Variants in ST6GALNAC4 observed in about 807,000 individuals in gnomAD.
The protein encoded by ST6GALNAC4 is alpha-N-acetyl-neuraminyl-2,3-beta-galactosyl-1,3-N-acetyl-galactosaminide alpha-2,6-sialyltransferase.
Under a neutral mutation model 30.4 loss-of-function variants are expected in ST6GALNAC4, and 24 were observed. That is an observed-to-expected ratio of 0.79 (90% CI 0.57 to 1.11). ST6GALNAC4 has a LOEUF of 1.11. Ranked by LOEUF, ST6GALNAC4 falls within the 50% of genes most tolerant of loss-of-function variation. The pLI is 0.00. For synonymous variants in ST6GALNAC4, 156 were observed against 179.7 expected (o/e 0.87, Z 1.05); for missense variants, 365 against 430.1 (o/e 0.85, Z 1.34).
At chr9:127,914,926 C>G in intron 2 of ST6GALNAC4, 85 bp from the exon 3 acceptor site, 1 of 1,263,850 alleles carries the variant, frequency 7.9e-7, no homozygotes, top group African/African-American at 1.6e-5. Flanking sequence ...CCTCCTGGGT[C>G]TAGAGAAGCT....
intron 3 of ST6GALNAC4, among the ~76,000 whole-genome samples, chr9:127,914,082 T>TCAAA (rs376436042): frequency 1.4e-5 from 2 of 144,322 alleles, no homozygotes; most frequent in Non-Finnish European, 3.0e-5. Flanking sequence ...TCTCTCTCTC[T>TCAAA]CAAACAAACA....
chr9:127,912,647 C>T lies in ST6GALNAC4; in HGVS notation c.232G>A (p.Val78Met), dbSNP rs759035392. ...AGCATTTGGCCGGAGCTGGACACCA[C>T]GGCACAGCTGCGGCAGGGCTCGCGG... ...LVREPCRSCA[V>M]VSSSGQMLGS... Residue 78 changes from valine to methionine, a missense_variant, in exon 4 of 6, where the codon GTG becomes ATG. Physicochemically the swap from Val to Met is conservative, Grantham distance 21. Transcript: ENST00000335791. 1.6e-5 allele frequency: 25 copies of T among 1,590,624 alleles called. No individual in the cohort carries two copies. In the East Asian group the frequency reaches 1.6e-4, roughly 10 times the overall value.
Sources: allele counts gnomAD v4.1 joint callset (sites outside exome capture counted in the v4.1 genomes callset), GRCh38; gene constraint gnomAD v4.1.1; transcripts MANE v1.5; gene names NCBI Gene and HGNC (gene_info 2026-07-23, HGNC 2026-07-21).